DPF3: variants seen among roughly 807,000 people sequenced by gnomAD.
The protein encoded by DPF3 is double PHD fingers 3, also known as zinc finger protein DPF3.
In DPF3, 18 loss-of-function variants were observed where a neutral mutation model predicts 56.8. That is an observed-to-expected ratio of 0.32 (90% CI 0.22 to 0.47). The LOEUF (loss-of-function observed/expected upper bound fraction) is 0.47, where lower values mean the gene tolerates loss of function less well. Among genes scored for constraint, DPF3 ranks in the 20% least tolerant of loss-of-function variants. The pLI is 1.00. For synonymous variants in DPF3, 188 were observed against 180.2 expected, an observed-to-expected ratio of 1.04 and a Z score of -0.35; for missense variants, 403 against 488.8, an observed-to-expected ratio of 0.82 and a Z score of 1.65.
At chr14:72,756,869 A>AAAGAAAGAAAGAAAGGAAGG (rs1555503988) in intron 2 of DPF3, among the ~76,000 whole-genome samples, 1 of 95,598 alleles carries the variant, frequency 1.0e-5, no homozygotes, top group Admixed American at 1.2e-4. Flanking sequence ...AGAAAGAAAG[A>AAAGAAAGAAAGAAAGGAAGG]AAGGAAGGAA....
chr14:72,846,199 C>T (rs1884747336), intron 1 of DPF3, among the ~76,000 whole-genome samples: 1 of 151,866 alleles, frequency 6.6e-6, no homozygotes, highest in African/African-American at 2.4e-5. Flanking sequence ...CAACCTCTAC[C>T]TCCTGTGCTC....
At chr14:72,792,285 TC>T (rs1425788748) in intron 1 of DPF3, among the ~76,000 whole-genome samples, 1 of 152,156 alleles carries the variant, frequency 6.6e-6, no homozygotes, top group Non-Finnish European at 1.5e-5. Context: ...GGGGAAGGCC[TC>T]CTGCCGCTGG....
chr14:72,682,130 C>T (rs764818160), intron 7 of DPF3, among the ~76,000 whole-genome samples: 4 of 150,916 alleles, frequency 2.7e-5, no homozygotes, highest in African/African-American at 7.3e-5. Context: ...AGGAGAATCA[C>T]TTGAACCTGG....
At chr14:72,645,167 A>G (rs894792951) in intron 8 of DPF3, among the ~76,000 whole-genome samples, 1 of 152,236 alleles carries the variant, frequency 6.6e-6, no homozygotes, top group African/African-American at 2.4e-5. Context: ...TTTCCTTTCC[A>G]TGAGGCAGAA....
At chr14:72,657,940 T>C (rs1886102785) in intron 8 of DPF3, among the ~76,000 whole-genome samples, 1 of 152,086 alleles carries the variant, frequency 6.6e-6, no homozygotes, top group Non-Finnish European at 1.5e-5. Context: ...CAGAATAACC[T>C]CCTCTCCAAC....
rs534540735 is a variant in DPF3 at position 72,619,007 on chromosome 14, T to C, written c.*290A>G. On this transcript the variant is annotated 3_prime_UTR_variant, in exon 11 of 11. Coordinates refer to ENST00000556509, the MANE Select transcript of DPF3 (RefSeq NM_001280542.3). ...ATGGGAACCAATGAGAGGGCCTCGG[T>C]GCTAGGGTAAAAGTGAGAGGGGTTC... Among the ~76,000 whole-genome samples the C allele has an allele frequency of 6.6e-6, 1 of 152,238 alleles. No homozygotes were observed. The highest frequency in any genetic ancestry group is 1.9e-4 in the East Asian group (1 of 5,178).
chr14:72,887,132 TG>T (rs1478413721), intron 1 of DPF3, among the ~76,000 whole-genome samples: 20 of 148,642 alleles, frequency 1.3e-4, no homozygotes, highest in Non-Finnish European at 2.8e-4. Context: ...GCTGGAAAAT[TG>T]GTTACCCTTC....
In DPF3 at chr14:72,892,998, AGGAAGGAAGGAAGGAAGGAAGGAAGGAT is replaced by A. The variant is rs1367950715; in HGVS notation, c.32+1031_32+1058del. Among the ~76,000 whole-genome samples the A allele has an allele frequency of 9.2e-4, 123 of 133,656 alleles. 5 individuals carry two copies. Among genetic ancestry groups the A allele is most frequent in the Middle Eastern group, 7.3e-3 (2 of 274 alleles). The allele number at this position is 133,656 out of a possible 152,430, so 87.7% of individuals were successfully genotyped here. On this transcript the variant is annotated intron_variant, in intron 1 of 10. Coordinates refer to ENST00000556509, the MANE Select transcript of DPF3 (RefSeq NM_001280542.3). ...AAGGAAGGAAGGAAGGAAGGAAGGA[AGGAAGGAAGGAAGGAAGGAAGGAAGGAT>A]GAAAAGGAGGAGGAAGGCAGGCAGG...
At chr14:72,742,827 A>C (rs1221374363) in intron 3 of DPF3, 1 of 152,292 alleles carries the variant, frequency 6.6e-6, no homozygotes, top group Admixed American at 6.5e-5. Context: ...GAGTTCTGGC[A>C]GTTCAGCGCA....
intron 2 of DPF3, among the ~76,000 whole-genome samples, chr14:72,771,045 G>A (rs929251980): frequency 4.0e-5 from 6 of 151,764 alleles, no homozygotes; most frequent in Admixed American, 1.3e-4. Context: ...GTGTGGTGGC[G>A]CACGCCTGTA....
chr14:72,804,539 T>G (rs1273712983), intron 1 of DPF3, among the ~76,000 whole-genome samples: 2 of 152,204 alleles, frequency 1.3e-5, no homozygotes, highest in East Asian at 3.8e-4. Context: ...CCTTTTCACA[T>G]GATTATTTAA....
At chr14:72,880,436 T>A (rs950239404) in intron 1 of DPF3, among the ~76,000 whole-genome samples, 7 of 152,214 alleles carry the variant, frequency 4.6e-5, no homozygotes, top group Non-Finnish European at 8.8e-5. Flanking sequence ...GGGCATTTTG[T>A]GGACAAGCTA....
chr14:72,743,324 G>A (rs1890202858), intron 3 of DPF3, among the ~76,000 whole-genome samples: 1 of 152,052 alleles, frequency 6.6e-6, no homozygotes, highest in Non-Finnish European at 1.5e-5. Context: ...AAGTGAGTGT[G>A]TCGGGCCTTC....
intron 8 of DPF3, chr14:72,661,563 C>G: frequency 1.0e-6 from 1 of 985,540 alleles, no homozygotes; most frequent in Non-Finnish European, 1.2e-6. Flanking sequence ...AGCCCTGCAC[C>G]TTTGCTGGGC....
Position 72,752,555 on chromosome 14 carries a change from C to T in DPF3, c.301+709G>A, listed in dbSNP as rs895113907. On this transcript the variant is annotated intron_variant, in intron 3 of 10. Coordinates refer to ENST00000556509, the MANE Select transcript of DPF3 (RefSeq NM_001280542.3). The stretch of plus-strand genomic sequence containing the variant: ...GTGCACATTTGTAATCCCAGCTACT[C>T]GGGAAGCTGAGGCAGGAGAATCACT... Among the ~76,000 whole-genome samples the T allele has an allele frequency of 2.6e-5, 4 of 152,134 alleles. No homozygotes were observed. The South Asian group carries it at 8.3e-4, about 32-fold the overall frequency.
intron 3 of DPF3, among the ~76,000 whole-genome samples, chr14:72,751,572 G>A (rs1890576241): frequency 6.6e-6 from 1 of 152,166 alleles, no homozygotes; most frequent in Non-Finnish European, 1.5e-5. Flanking sequence ...AGCCACCTGT[G>A]GCTACTGAGT....
chr14:72,801,581 G>A (rs952963180), intron 1 of DPF3, among the ~76,000 whole-genome samples: 2 of 152,166 alleles, frequency 1.3e-5, no homozygotes, highest in Admixed American at 1.3e-4. Context: ...TCCTCCTTTT[G>A]TTGTCTTTGT....
intron 8 of DPF3, among the ~76,000 whole-genome samples, chr14:72,640,933 G>A (rs897810175): frequency 6.6e-6 from 1 of 152,172 alleles, no homozygotes; most frequent in African/African-American, 2.4e-5. Flanking sequence ...ACCTAGTTAG[G>A]GGTAGAGGGA....
intron 1 of DPF3, among the ~76,000 whole-genome samples, chr14:72,831,863 T>G (rs540582104): frequency 2.0e-5 from 3 of 152,310 alleles, no homozygotes; most frequent in African/African-American, 7.2e-5. Flanking sequence ...GCAAAGGGGA[T>G]ATTGGTGTTC....
Sources: allele counts gnomAD v4.1 joint callset (sites outside exome capture counted in the v4.1 genomes callset), GRCh38; gene constraint gnomAD v4.1.1; transcripts MANE v1.5; gene names NCBI Gene and HGNC (gene_info 2026-07-23, HGNC 2026-07-21).